The following MAGEC3 variants were observed in gnomAD, a reference collection of about 807,000 sequenced individuals.
MAGEC3 encodes melanoma-associated antigen C3.
MAGEC3 carries 34 observed loss-of-function variants against 35.3 expected under a neutral mutation model. The observed-to-expected ratio is 0.96, with a 90% confidence interval of 0.73 to 1.28. MAGEC3 has a LOEUF of 1.28. MAGEC3 is among the 50% of genes most tolerant of loss of function. The pLI is 0.00. For missense variants in MAGEC3, 561 were observed against 483.6 expected (o/e 1.16, Z -1.50); for synonymous variants, 202 against 185.6 (o/e 1.09, Z -0.72).
chrX:141,862,168 C>A (rs193017445), intron 1 of MAGEC3, among the ~76,000 whole-genome samples: 8 of 111,029 alleles, frequency 7.2e-5, no homozygotes, highest in African/African-American at 2.3e-4. Flanking sequence ...TAATGGCCAA[C>A]AAGTATGGGA....
At chrX:141,845,941 G>A (rs889815257) in intron 1 of MAGEC3, among the ~76,000 whole-genome samples, 1 of 110,657 alleles carries the variant, frequency 9.0e-6, no homozygotes, top group African/African-American at 3.3e-5. Context: ...ATGTGATAGA[G>A]GTATAGTGAA....
intron 2 of MAGEC3, among the ~76,000 whole-genome samples, chrX:141,866,836 C>T (rs1309697799): frequency 8.9e-6 from 1 of 111,994 alleles, no homozygotes. Context: ...TGACCAAATA[C>T]TACTTCTGTA....
At chrX:141,848,906 G>A (rs1009875056) in intron 1 of MAGEC3, among the ~76,000 whole-genome samples, 3 of 111,070 alleles carry the variant, frequency 2.7e-5, no homozygotes, top group Admixed American at 9.5e-5. Flanking sequence ...TGTCTGTATC[G>A]AAATATCTCA....
At chrX:141,870,482 T>C (rs1282013116) in intron 2 of MAGEC3, among the ~76,000 whole-genome samples, 1 of 111,877 alleles carries the variant, frequency 8.9e-6, no homozygotes, top group Non-Finnish European at 1.9e-5. Context: ...TTAGTTAATA[T>C]GTTTACACAG....
intron 2 of MAGEC3, among the ~76,000 whole-genome samples, chrX:141,874,128 G>T (rs749960113): frequency 8.9e-6 from 1 of 112,296 alleles, no homozygotes; most frequent in Admixed American, 9.4e-5. Flanking sequence ...AATCTTTTCA[G>T]CTAATTATAC....
chrX:141,865,437 G>A, intron 1 of MAGEC3, 34 bp from the exon 2 acceptor site: 1 of 1,187,540 alleles, frequency 8.4e-7, no homozygotes, highest in Admixed American at 2.2e-5. Flanking sequence ...GGTTGCCCCA[G>A]CCTAGTCCTG....
intron 4 of MAGEC3, among the ~76,000 whole-genome samples, chrX:141,884,615 G>T (rs2017989070): frequency 9.0e-6 from 1 of 111,426 alleles, no homozygotes; most frequent in Admixed American, 9.6e-5. Flanking sequence ...GGAGTTGGAT[G>T]CTTAATGTGA....
intron 2 of MAGEC3, among the ~76,000 whole-genome samples, chrX:141,872,257 T>C (rs773370561): frequency 1.4e-4 from 16 of 111,432 alleles, no homozygotes; most frequent in African/African-American, 5.2e-4. Flanking sequence ...CAAGCCATTT[T>C]ACAGTAGAAA....
intron 4 of MAGEC3, among the ~76,000 whole-genome samples, chrX:141,890,596 A>C (rs1050901712): frequency 1.8e-5 from 2 of 112,236 alleles, no homozygotes; most frequent in African/African-American, 6.5e-5. Context: ...AATTGTTTTA[A>C]ACCTAGATGC....
intron 4 of MAGEC3, chrX:141,894,549 G>A: frequency 1.5e-6 from 1 of 673,741 alleles, no homozygotes; most frequent in Middle Eastern, 4.4e-4. Flanking sequence ...CAGAACAACT[G>A]TTGCTGTCGG....
rs1159871208 is a variant in MAGEC3 at position 141,879,262 on chromosome X, A to T, written c.346A>T (p.Arg116Trp). The change falls in exon 3 of 8, where the codon AGG (arginine) becomes TGG (tryptophan). Residue 116 changes from arginine to tryptophan, a missense_variant. By Grantham distance (101) the Arg-to-Trp change is moderately radical. Coordinates refer to ENST00000298296, the MANE Select transcript of MAGEC3 (RefSeq NM_138702.1). The stretch of plus-strand genomic sequence containing the variant: ...GCCGGAGGGGAAGTTTTCTCTGAGG[A>T]GGGCAGTTTCAGTTAAGCAGAGGGA... ...SQPEGKFSLR[R>W]AVSVKQREEP... The T allele has an allele frequency of 1.7e-6, 2 of 1,205,743 alleles. No individual in the cohort carries two copies. The highest frequency in any genetic ancestry group is 1.8e-5 in the South Asian group (1 of 55,764).
At chrX:141,895,169 G>A (rs2018077434) in intron 4 of MAGEC3, 100 bp from the exon 5 acceptor site, 4 of 945,598 alleles carry the variant, frequency 4.2e-6, no homozygotes, top group African/African-American at 4.1e-5. Flanking sequence ...AAGAAGTGGA[G>A]TGCGGGGAAG....
In MAGEC3 at chrX:141,897,724, G is replaced by C. The variant is rs766109685; in HGVS notation, c.1824G>C (p.Leu608Phe). Reference sequence around the variant, plus strand: ...TTCCATCCTGGTACATGGATGCTTTGAAAGATATGGAAGACAGAGCCCAGG... The same window carrying C: ...TTCCATCCTGGTACATGGATGCTTTCAAAGATATGGAAGACAGAGCCCAGG... ...SAFPSWYMDA[L>F]KDMEDRAQAI... Residue 608 changes from leucine (L) to phenylalanine (F), a missense_variant, in exon 8 of 8, where the codon TTG becomes TTC. Coordinates refer to ENST00000298296, the MANE Select transcript of MAGEC3 (RefSeq NM_138702.1). The C allele has an allele frequency of 1.7e-6, 2 of 1,211,614 alleles. No individual in the cohort carries two copies. Among genetic ancestry groups the C allele is most frequent in the Non-Finnish European group, 2.2e-6 (2 of 895,496 alleles).
intron 3 of MAGEC3, chrX:141,880,774 C>A (rs750600079): frequency 2.8e-5 from 27 of 948,822 alleles, no homozygotes; most frequent in Middle Eastern, 3.6e-4. Context: ...AGGGGACAAA[C>A]CCCCTAGGAT....
At position 141,889,266 on chromosome X, in the gene MAGEC3, A is replaced by C. The variant is rs1161378413; in HGVS notation, c.910-6003A>C. Among the ~76,000 whole-genome samples, 4 of 111,632 alleles carry C rather than the reference A, an allele frequency of 3.6e-5. No homozygotes were observed. The East Asian group carries it at 1.1e-3, about 32-fold the overall frequency. ...CCCTGTATGCTCTGAATCAGTGTTC[A>C]ATATATGGTATTGTTTCTCCCATAG... On this transcript the variant is annotated intron_variant, in intron 4 of 7. Coordinates refer to ENST00000298296, the MANE Select transcript of MAGEC3 (RefSeq NM_138702.1).
chrX:141,883,245 G>GA (rs1477855181), intron 4 of MAGEC3, among the ~76,000 whole-genome samples: 5 of 112,178 alleles, frequency 4.5e-5, no homozygotes, highest in Non-Finnish European at 9.4e-5. Context: ...TCCTAGCCTG[G>GA]GAGAGCCAGA....
intron 4 of MAGEC3, among the ~76,000 whole-genome samples, chrX:141,893,859 A>G (rs1387309571): frequency 9.0e-6 from 1 of 111,222 alleles, no homozygotes; most frequent in African/African-American, 3.3e-5. Context: ...CCAATCAGGA[A>G]AAGGCATATA....
chrX:141,890,534 C>T (rs1315466888), intron 4 of MAGEC3, among the ~76,000 whole-genome samples: 3 of 111,695 alleles, frequency 2.7e-5, no homozygotes, highest in Non-Finnish European at 5.6e-5. Flanking sequence ...AAGGACAGTG[C>T]AGAAAAGTGC....
intron 1 of MAGEC3, among the ~76,000 whole-genome samples, chrX:141,856,210 A>G (rs1028029121): frequency 2.4e-4 from 27 of 111,748 alleles, no homozygotes; most frequent in African/African-American, 6.2e-4. Context: ...GTGATGCTAG[A>G]CAATGGAGCA....
Sources: gnomAD v4.1 joint callset for allele counts (sites outside exome capture counted in the v4.1 genomes callset) on GRCh38, gnomAD v4.1.1 for gene constraint, MANE v1.5 for transcripts, NCBI Gene and HGNC (gene_info 2026-07-23, HGNC 2026-07-21) for gene names.